Variants in ABCA5 observed in about 807,000 individuals in gnomAD.
ABCA5 encodes the protein ATP binding cassette subfamily A member 5.
A neutral mutation model predicts 206.0 loss-of-function variants in ABCA5; 163 were observed. The ratio of observed to expected loss-of-function variants is 0.79; its 90% CI spans 0.70 to 0.90. ABCA5 has a LOEUF of 0.90. Among genes scored for constraint, ABCA5 ranks in the 40% least tolerant of loss-of-function variants. The pLI is 0.00. For synonymous variants in ABCA5, 609 were observed against 613.8 expected (o/e 0.99, Z 0.11); for missense variants, 1,859 against 1,912.9 (o/e 0.97, Z 0.53).
At chr17:69,262,051 G>A (rs2075154488) in intron 24 of ABCA5, among the ~76,000 whole-genome samples, 1 of 151,812 alleles carries the variant, frequency 6.6e-6, no homozygotes, top group South Asian at 2.1e-4. Context: ...TAATATATAA[G>A]GTCATTATGA....
intron 6 of ABCA5, among the ~76,000 whole-genome samples, chr17:69,306,043 T>C (rs1022156549): frequency 1.9e-4 from 29 of 152,114 alleles, no homozygotes; most frequent in Non-Finnish European, 3.5e-4. Context: ...ACATGCACAG[T>C]ATTAACCTTC....
At chr17:69,312,475 G>A (rs540138070) in intron 3 of ABCA5, among the ~76,000 whole-genome samples, 32 of 152,154 alleles carry the variant, frequency 2.1e-4, no homozygotes, top group Non-Finnish European at 4.0e-4. Flanking sequence ...CCAAAGTTAG[G>A]TACTTCTTCA....
Position 69,246,050 on chromosome 17 carries a change from G to T in ABCA5, c.*1487C>A, listed in dbSNP as rs1364816365. On this transcript the variant is annotated 3_prime_UTR_variant, in exon 39 of 39. Transcript: ENST00000392676. ...AACATTATATATACTTTAGGAAAGTGTATAGCAACTGCCCCCAGCAATGGG... is the reference window on the plus strand; with the variant it reads ...AACATTATATATACTTTAGGAAAGTTTATAGCAACTGCCCCCAGCAATGGG... 2.0e-5 allele frequency: 3 copies of T among 151,978 alleles called. No individual in the cohort carries two copies. Among genetic ancestry groups the T allele is most frequent in the Non-Finnish European group, 4.4e-5 (3 of 67,856 alleles). The allele number at this position is 151,978 out of a possible 1,614,324, so 9.4% of individuals were successfully genotyped here.
In ABCA5 at chr17:69,245,000, C is replaced by T. The variant is rs78231051; in HGVS notation, c.*2537G>A. On this transcript the variant is annotated 3_prime_UTR_variant, in exon 39 of 39. Transcript: ENST00000392676. ...TACAGGGCCAAAACTGATAGTCATC[C>T]GAGTTCTCTCCAAAGAATCCATTTC... 5 of 151,054 alleles carry T rather than the reference C, an allele frequency of 3.3e-5. No individual in the cohort carries two copies. The highest frequency in any genetic ancestry group is 1.9e-4 in the East Asian group (1 of 5,166). The allele number at this position is 151,054 out of a possible 1,614,324, so 9.4% of individuals were successfully genotyped here. A position where few individuals can be genotyped will look rare whatever the true frequency, so the allele number is the denominator to read the frequency against.
Position 69,285,944 on chromosome 17 carries a change from TTG to T in ABCA5, c.2224_2225del (p.Gln742ThrfsTer5). ...TGAAAGGCAAGCTATACACAAGTTG[TTG>T]GTCATTCTGTTGTAATAAAGTAGCT... is the stretch of plus-strand genomic sequence containing the variant. ...PGATLLQQND[Q>X]QLVYSLPFKD... On this transcript the variant is annotated frameshift_variant, in exon 17 of 39. Transcript: ENST00000392676. LOFTEE classifies it high-confidence loss of function. 1 of 1,613,316 alleles carries T rather than the reference TTG, an allele frequency of 6.2e-7. No individual in the cohort carries two copies.
intron 18 of ABCA5, 68 bp downstream of exon 18, chr17:69,283,885 A>G (rs2075422883): frequency 1.4e-6 from 2 of 1,458,136 alleles, no homozygotes; most frequent in Non-Finnish European, 1.8e-6. Context: ...TTACATTTAT[A>G]TAATTTTTGT....
chr17:69,290,432 A>AT (rs2075513627), intron 12 of ABCA5, among the ~76,000 whole-genome samples: 1 of 152,136 alleles, frequency 6.6e-6, no homozygotes, highest in Non-Finnish European at 1.5e-5. Context: ...ATCTCTTTAA[A>AT]TTCCAGCTTT....
At chr17:69,318,180 C>G (rs145780243) in intron 1 of ABCA5, among the ~76,000 whole-genome samples, 1 of 151,500 alleles carries the variant, frequency 6.6e-6, no homozygotes, top group Admixed American at 6.6e-5. Context: ...GGCACAGTCT[C>G]GGCTCCTGGG....
intron 8 of ABCA5, among the ~76,000 whole-genome samples, chr17:69,301,839 T>C (rs1362563832): frequency 1.3e-5 from 2 of 152,202 alleles, no homozygotes; most frequent in East Asian, 1.9e-4. Flanking sequence ...GAATACGCTT[T>C]AATTATACTA....
At chr17:69,319,134 T>G (rs147002290) in intron 1 of ABCA5, among the ~76,000 whole-genome samples, 1 of 152,226 alleles carries the variant, frequency 6.6e-6, no homozygotes, top group Non-Finnish European at 1.5e-5. Context: ...ATATCACATT[T>G]AGCAAAGAGT....
chr17:69,288,747 AAAG>A (rs1385267671), intron 14 of ABCA5, among the ~76,000 whole-genome samples: 121 of 145,912 alleles, frequency 8.3e-4, no homozygotes, highest in African/African-American at 3.0e-3. Context: ...AGAAAGAAAG[AAAG>A]AAAACATGGC....
At chr17:69,278,760 T>C (rs902602353) in intron 18 of ABCA5, among the ~76,000 whole-genome samples, 1 of 152,162 alleles carries the variant, frequency 6.6e-6, no homozygotes, top group African/African-American at 2.4e-5. Context: ...AATTCTAGCA[T>C]ATAAACAGAG....
chr17:69,248,085 T>A (rs1010584074), intron 38 of ABCA5, among the ~76,000 whole-genome samples, 177 bp downstream of exon 38: 1 of 152,052 alleles, frequency 6.6e-6, no homozygotes, highest in Non-Finnish European at 1.5e-5. Flanking sequence ...AAATAAAATT[T>A]AAAAAATTAG....
chr17:69,291,517 A>G (rs557956054), intron 11 of ABCA5, among the ~76,000 whole-genome samples, 191 bp from the exon 12 acceptor site: 1 of 152,358 alleles, frequency 6.6e-6, no homozygotes, highest in East Asian at 1.9e-4. Flanking sequence ...ATGAAAGTAA[A>G]TAAAAATAAA....
chr17:69,261,792 C>A (rs1184164008), intron 24 of ABCA5, 44 bp from the exon 25 acceptor site: 2 of 772,684 alleles, frequency 2.6e-6, no homozygotes, highest in South Asian at 5.0e-5. Flanking sequence ...GAATAGCTTG[C>A]AATACACATG....
At position 69,244,683 on chromosome 17, in the gene ABCA5, T is replaced by C. The variant is rs2144876059; in HGVS notation, c.*2854A>G. 3 of 151,670 alleles carry C rather than the reference T, an allele frequency of 2.0e-5. No homozygotes were observed. The South Asian group carries it at 6.2e-4, about 31-fold the overall frequency. The allele number at this position is 151,670 out of a possible 1,614,324, so 9.4% of individuals were successfully genotyped here. On this transcript the variant is annotated 3_prime_UTR_variant, in exon 39 of 39. Coordinates refer to ENST00000392676, the MANE Select transcript of ABCA5 (RefSeq NM_172232.4). Reference sequence around the variant, plus strand: ...TTTCTATTTCTCAAAAATTAATGCCTATTTACATGTTACACAAAAATACAG... The same window carrying C: ...TTTCTATTTCTCAAAAATTAATGCCCATTTACATGTTACACAAAAATACAG...
intron 9 of ABCA5, among the ~76,000 whole-genome samples, chr17:69,298,229 T>TAGGAAGGTAGGAAGGAAGGAAGGAAGGA (rs1555582874): frequency 3.3e-4 from 11 of 33,480 alleles, no homozygotes; most frequent in African/African-American, 4.4e-4. Context: ...GGAAGGTAGG[T>TAGGAAGGTAGGAAGGAAGGAAGGAAGGA]AGGAAGGAAG....
Position 69,247,383 on chromosome 17 carries a change from C to A in ABCA5, c.*154G>T. 1 of 559,738 alleles carries A rather than the reference C, an allele frequency of 1.8e-6. No homozygotes were observed. Among genetic ancestry groups the A allele is most frequent in the Non-Finnish European group, 3.1e-6 (1 of 319,922 alleles). The allele number at this position is 559,738 out of a possible 1,614,324, so 34.7% of individuals were successfully genotyped here. A position where few individuals can be genotyped will look rare whatever the true frequency, so the allele number is the denominator to read the frequency against. ...ACGTTTTATTTAAAGAAAAGCAAAA[C>A]ACACAACCACAGCATTTCAATTAAG... On this transcript the variant is annotated 3_prime_UTR_variant, in exon 39 of 39. Coordinates refer to ENST00000392676, the MANE Select transcript of ABCA5 (RefSeq NM_172232.4).
chr17:69,280,399 G>C (rs35793932), intron 18 of ABCA5, among the ~76,000 whole-genome samples: 31,056 of 150,332 alleles, frequency 0.21, 3,777 homozygotes, highest in East Asian at 0.49. Flanking sequence ...TGCTGGAGAG[G>C]ATATGGAGAA....
Sources: gnomAD v4.1 joint callset for allele counts (sites outside exome capture counted in the v4.1 genomes callset) on GRCh38, gnomAD v4.1.1 for gene constraint, MANE v1.5 for transcripts, NCBI Gene and HGNC (gene_info 2026-07-23, HGNC 2026-07-21) for gene names.